Variants in VKORC1L1 observed in about 807,000 individuals in gnomAD.
VKORC1L1 encodes vitamin K epoxide reductase complex subunit 1-like protein 1.
A neutral mutation model predicts 18.9 loss-of-function variants in VKORC1L1; 2 were observed. The ratio of observed to expected loss-of-function variants is 0.11; its 90% CI spans 0.04 to 0.33. The LOEUF (loss-of-function observed/expected upper bound fraction) is 0.33. Among genes scored for constraint, VKORC1L1 ranks in the 10% least tolerant of loss-of-function variants. The probability of loss-of-function intolerance (pLI) is 1.00; values close to 1 mark genes in which losing one functional copy is unlikely to be tolerated. For synonymous variants in VKORC1L1, 96 were observed against 100.0 expected (o/e 0.96, Z 0.24); for missense variants, 123 against 224.1 (o/e 0.55, Z 2.88).
intron 1 of VKORC1L1, among the ~76,000 whole-genome samples, chr7:65,927,908 C>A (rs1789792702): frequency 6.6e-6 from 1 of 151,950 alleles, no homozygotes; most frequent in African/African-American, 2.4e-5. Context: ...GTTAAGGGGG[C>A]CCCAACTGAT....
At chr7:65,905,201 A>G (rs1017983860) in intron 1 of VKORC1L1, among the ~76,000 whole-genome samples, 4 of 152,208 alleles carry the variant, frequency 2.6e-5, no homozygotes, top group Admixed American at 2.0e-4. Context: ...AAATATTTGA[A>G]AACAGCTTTT....
chr7:65,957,821 ACT>A lies in VKORC1L1; in HGVS notation c.*3524_*3525del, dbSNP rs1790324151. The A allele has an allele frequency of 6.6e-6, 1 of 152,068 alleles. No homozygotes were observed. Among genetic ancestry groups the A allele is most frequent in the South Asian group, 2.1e-4 (1 of 4,810 alleles). 9.4% of individuals were successfully genotyped at this position (152,068 alleles called of 1,614,324 possible). A position where few individuals can be genotyped will look rare whatever the true frequency, so the allele number is the denominator to read the frequency against. ...CACTCCAGCCTGGGCAATGAGTGAAACTCTGTCTCAAATAAAAAAATAAAAAT... is the reference window on the plus strand; with the variant it reads ...CACTCCAGCCTGGGCAATGAGTGAAACTGTCTCAAATAAAAAAATAAAAAT... On this transcript the variant is annotated 3_prime_UTR_variant, in exon 3 of 3. Transcript: ENST00000360768.
chr7:65,950,013 T>G (rs1790186837), intron 2 of VKORC1L1, among the ~76,000 whole-genome samples: 1 of 152,236 alleles, frequency 6.6e-6, no homozygotes, highest in South Asian at 2.1e-4. Context: ...TGTTACCAAT[T>G]TGCTTTTCCC....
chr7:65,873,633 G>A, intron 1 of VKORC1L1, 68 bp downstream of exon 1: 13 of 1,365,574 alleles, frequency 9.5e-6, no homozygotes, highest in Non-Finnish European at 1.2e-5. Context: ...GGGGTGGGGA[G>A]CGCGCGGCGG....
intron 1 of VKORC1L1, among the ~76,000 whole-genome samples, chr7:65,929,004 T>A (rs1789812400): frequency 6.6e-6 from 1 of 152,246 alleles, no homozygotes; most frequent in African/African-American, 2.4e-5. Context: ...TGGGCATCTT[T>A]CCATGTGCTT....
At chr7:65,874,206 C>A (rs1360822569) in intron 1 of VKORC1L1, among the ~76,000 whole-genome samples, 4 of 152,064 alleles carry the variant, frequency 2.6e-5, no homozygotes, top group African/African-American at 4.8e-5. Context: ...AGAAGATACC[C>A]GCACTTAACA....
chr7:65,893,901 A>G (rs917516616), intron 1 of VKORC1L1, among the ~76,000 whole-genome samples: 2 of 152,110 alleles, frequency 1.3e-5, no homozygotes, highest in African/African-American at 2.4e-5. Flanking sequence ...ATGTTCCACA[A>G]GAATACCTGT....
At chr7:65,906,702 A>G (rs1789411580) in intron 1 of VKORC1L1, among the ~76,000 whole-genome samples, 1 of 152,220 alleles carries the variant, frequency 6.6e-6, no homozygotes, top group Admixed American at 6.5e-5. Context: ...ATACATGGTA[A>G]TAAGCAGAGT....
chr7:65,877,538 G>T (rs1031762293), intron 1 of VKORC1L1, among the ~76,000 whole-genome samples: 7 of 152,108 alleles, frequency 4.6e-5, no homozygotes, highest in Non-Finnish European at 8.8e-5. Flanking sequence ...AGTAGAGACA[G>T]GGTCTTGCCA....
At position 65,895,483 on chromosome 7, in the gene VKORC1L1, ATATATATATATAT is replaced by A. The variant is rs1789188793; in HGVS notation, c.194+21919_194+21931del. 4.4e-4 allele frequency among the ~76,000 whole-genome samples: 12 copies of A among 27,394 alleles called. No individual in the cohort carries two copies. The East Asian group carries it at 4.7e-3, about 11-fold the overall frequency. The allele number at this position is 27,394 out of a possible 152,430, so 18.0% of individuals were successfully genotyped here. A position where few individuals can be genotyped will look rare whatever the true frequency, so the allele number is the denominator to read the frequency against. On this transcript the variant is annotated intron_variant, in intron 1 of 2. Coordinates refer to ENST00000360768, the MANE Select transcript of VKORC1L1 (RefSeq NM_173517.6). ...AAAAAAAAAAAAAAAAAAAAAAAATATATATATATATATATATATATATATATATATATACACA... is the reference window on the plus strand; with the variant it reads ...AAAAAAAAAAAAAAAAAAAAAAAATAATATATATATATATATATATACACA...
intron 1 of VKORC1L1, among the ~76,000 whole-genome samples, chr7:65,885,281 A>AG (rs1204053848): frequency 8.6e-5 from 13 of 151,996 alleles, no homozygotes; most frequent in African/African-American, 3.1e-4. Flanking sequence ...GGAGTTCTTT[A>AG]GATGTCACAA....
intron 1 of VKORC1L1, among the ~76,000 whole-genome samples, chr7:65,874,776 A>T (rs1298159498): frequency 6.6e-6 from 1 of 152,174 alleles, no homozygotes; most frequent in Admixed American, 6.5e-5. Flanking sequence ...ATTGCACCCC[A>T]GCCTGGGCAA....
intron 1 of VKORC1L1, among the ~76,000 whole-genome samples, chr7:65,883,749 C>T (rs1479662728): frequency 6.6e-6 from 1 of 151,706 alleles, no homozygotes; most frequent in South Asian, 2.1e-4. Context: ...CTGCCCGCCT[C>T]GGCCTCCCAA....
At chr7:65,909,793 C>G (rs533841089) in intron 1 of VKORC1L1, among the ~76,000 whole-genome samples, 1 of 150,458 alleles carries the variant, frequency 6.6e-6, no homozygotes, top group East Asian at 2.0e-4. Flanking sequence ...TCTCAGCTCA[C>G]TGCAACCTCT....
chr7:65,954,239 A>G lies in VKORC1L1; in HGVS notation c.470A>G (p.Tyr157Cys). 6.2e-7 allele frequency: 1 copy of G among 1,614,100 alleles called. No individual in the cohort carries two copies. Among genetic ancestry groups the G allele is most frequent in the Non-Finnish European group, 8.5e-7 (1 of 1,180,018 alleles). Reference sequence around the variant, plus strand: ...AACTTCCTTCTTCTCATTATCAACTACAAACGACTAGTTTACTTGAACGAG... The same window carrying G: ...AACTTCCTTCTTCTCATTATCAACTGCAAACGACTAGTTTACTTGAACGAG... ...VLNFLLLIINYKRLVYLNEAW... is the reference protein window; with the variant it reads ...VLNFLLLIINCKRLVYLNEAW... The change falls in exon 3 of 3, where the codon TAC (tyrosine) becomes TGC (cysteine). Residue 157 changes from tyrosine to cysteine, a missense_variant. Transcript: ENST00000360768.
chr7:65,947,560 TTTAAAAATG>T (rs940976792), intron 1 of VKORC1L1, among the ~76,000 whole-genome samples: 1 of 152,186 alleles, frequency 6.6e-6, no homozygotes, highest in Admixed American at 6.5e-5. Flanking sequence ...AAAATCAGGT[TTTAAAAATG>T]TTAAGTCAAA....
At chr7:65,872,564 G>C (rs1583814770), upstream of VKORC1L1, among the ~76,000 whole-genome samples, 1 of 152,272 alleles carries the variant, frequency 6.6e-6, no homozygotes, top group African/African-American at 2.4e-5. Flanking sequence ...CTGACCTCAA[G>C]TGATCCACCT....
intron 1 of VKORC1L1, among the ~76,000 whole-genome samples, chr7:65,895,474 AAAAAAAATATATATATATATATATATAT>A (rs1789182656): frequency 2.2e-5 from 1 of 45,116 alleles, no homozygotes; most frequent in African/African-American, 1.1e-4. Flanking sequence ...AAAAAAAAAA[AAAAAAAATATATATATATATATATATAT>A]ATATATATAT....
intron 1 of VKORC1L1, among the ~76,000 whole-genome samples, chr7:65,930,511 C>T (rs1006947080): frequency 6.6e-6 from 1 of 152,152 alleles, no homozygotes; most frequent in Non-Finnish European, 1.5e-5. Context: ...CAAGCATTGG[C>T]TGTTTGGAAC....
Sources: gnomAD v4.1 joint callset for allele counts (sites outside exome capture counted in the v4.1 genomes callset) on GRCh38, gnomAD v4.1.1 for gene constraint, MANE v1.5 for transcripts, NCBI Gene and HGNC (gene_info 2026-07-23, HGNC 2026-07-21) for gene names.